DENND2A: variants seen among roughly 807,000 people sequenced by gnomAD.
DENND2A encodes the protein DENN domain containing 2A.
Under a neutral mutation model 105.3 loss-of-function variants are expected in DENND2A, and 53 were observed. That is an observed-to-expected ratio of 0.50 (90% CI 0.40 to 0.63). DENND2A has a LOEUF of 0.63. Ranked by LOEUF, DENND2A falls within the 30% of genes least tolerant of loss-of-function variation. DENND2A has a pLI of 0.00. For synonymous variants in DENND2A, 522 were observed against 508.4 expected (o/e 1.03, Z -0.36); for missense variants, 1,138 against 1,279.6 (o/e 0.89, Z 1.69).
chr7:140,607,238 C>T lies in DENND2A; in HGVS notation c.-247-1432G>A, dbSNP rs540023842. ...CCTGGCCTGGGCATCCTCTCCCTCC[C>T]GAGTAATCAAAGGGCAGAACTTCAA... On this transcript the variant is annotated intron_variant, in intron 1 of 19. Coordinates refer to ENST00000496613, the MANE Select transcript of DENND2A (RefSeq NM_015689.5). 2.6e-5 allele frequency among the ~76,000 whole-genome samples: 4 copies of T among 152,242 alleles called. No individual in the cohort carries two copies. The South Asian group carries it at 8.3e-4, about 32-fold the overall frequency.
chr7:140,567,679 C>T (rs987729236), intron 8 of DENND2A, among the ~76,000 whole-genome samples: 11 of 152,098 alleles, frequency 7.2e-5, no homozygotes, highest in Non-Finnish European at 1.2e-4. Context: ...CCATTTCCCT[C>T]GTCTTTTGGT....
intron 6 of DENND2A, 42 bp downstream of exon 6, chr7:140,573,766 G>T: frequency 6.3e-7 from 1 of 1,593,788 alleles, no homozygotes; most frequent in South Asian, 1.1e-5. Flanking sequence ...CACAGAGAAG[G>T]GGTCATGCAT....
chr7:140,546,804 T>C lies in DENND2A; in HGVS notation c.2173A>G (p.Thr725Ala). 6.2e-7 allele frequency: 1 copy of C among 1,614,042 alleles called. No homozygotes were observed. The highest frequency in any genetic ancestry group is 8.5e-7 in the Non-Finnish European group (1 of 1,179,966). The change falls in exon 13 of 20, where the codon ACT becomes GCT. Residue 725 changes from threonine to alanine, a missense_variant. This residue lies in a region of DENND2A where 627 missense variants were observed against 779.8 expected (regional missense o/e 0.80). Coordinates refer to ENST00000496613, the MANE Select transcript of DENND2A (RefSeq NM_015689.5). ...GAAGGAGTCTGACAACTCACCTCAG[T>C]TCCTGAACCTGGCAGGAAGTTCTTG... ...LVKNFLPGSG[T>A]EVIELCRPLD...
intron 5 of DENND2A, among the ~76,000 whole-genome samples, chr7:140,577,404 T>TC (rs199657138): frequency 2.0e-5 from 3 of 151,190 alleles, no homozygotes; most frequent in African/African-American, 4.9e-5. Context: ...TTTTTCTTTT[T>TC]TTTTTTTTTT....
intron 9 of DENND2A, among the ~76,000 whole-genome samples, chr7:140,565,132 G>T (rs1057461604): frequency 3.9e-5 from 6 of 152,184 alleles, no homozygotes; most frequent in African/African-American, 1.4e-4. Context: ...ATGGAAGGAA[G>T]GCTGGCCTAC....
chr7:140,531,833 A>ACAC, intron 14 of DENND2A, among the ~76,000 whole-genome samples: 1 of 146,264 alleles, frequency 6.8e-6, no homozygotes, highest in Middle Eastern at 3.4e-3. Context: ...AACAACAACA[A>ACAC]CAACAACAAC....
chr7:140,550,115 TTAGGGGAGGGGA>T, intron 12 of DENND2A, among the ~76,000 whole-genome samples: 1 of 86,298 alleles, frequency 1.2e-5, no homozygotes, highest in Non-Finnish European at 2.3e-5. Context: ...TGGTGAGGGG[TTAGGGGAGGGGA>T]TAGGGGTGGG....
chr7:140,565,620 T>C (rs568204986), intron 9 of DENND2A, among the ~76,000 whole-genome samples: 3 of 152,230 alleles, frequency 2.0e-5, no homozygotes, highest in Admixed American at 6.5e-5. Context: ...ATTTAACATA[T>C]GGTAAAGCTG....
chr7:140,527,291 G>C lies in DENND2A; in HGVS notation c.2505+27C>G, dbSNP rs1395087125. On this transcript the variant is annotated intron_variant, in intron 15 of 19. Coordinates refer to ENST00000496613, the MANE Select transcript of DENND2A (RefSeq NM_015689.5). This position sits in a 1 kb window ranked among gnomAD's most constrained non-coding sequence, Gnocchi z 4.9. ...CTCTGTTCTCCGCACCCTGCAGGGA[G>C]GGGGACAGGGCTGAGTGGGAGCTCA... The C allele has an allele frequency of 1.3e-6, 2 of 1,548,610 alleles. No individual in the cohort carries two copies. Among genetic ancestry groups the C allele is most frequent in the East Asian group, 2.4e-5 (1 of 41,920 alleles).
At chr7:140,588,766 C>CTT (rs34456581) in intron 3 of DENND2A, among the ~76,000 whole-genome samples, 1,722 of 136,824 alleles carry the variant, frequency 0.013, 61 homozygotes, top group African/African-American at 0.04. Context: ...TTTTTTGGCA[C>CTT]TTTTTTTTTT....
At chr7:140,522,231 A>G (rs1289916725) in intron 17 of DENND2A, 131 bp from the exon 18 acceptor site, 1 of 1,204,582 alleles carries the variant, frequency 8.3e-7, no homozygotes, top group Non-Finnish European at 1.1e-6. Context: ...ATTATCCAGG[A>G]GGAGGGTTAC....
At chr7:140,635,007 A>T (rs1018360366) in intron 1 of DENND2A, among the ~76,000 whole-genome samples, 1 of 152,070 alleles carries the variant, frequency 6.6e-6, no homozygotes, top group African/African-American at 2.4e-5. Context: ...TCATGCCTGT[A>T]GTCCCAGCAC....
At chr7:140,536,757 G>T (rs1336156348) in intron 14 of DENND2A, among the ~76,000 whole-genome samples, 1 of 152,100 alleles carries the variant, frequency 6.6e-6, no homozygotes, top group Non-Finnish European at 1.5e-5. Context: ...CTCCCTCCTG[G>T]GTTCAAGTGA....
chr7:140,629,748 G>A (rs962512978), intron 1 of DENND2A, among the ~76,000 whole-genome samples: 1 of 152,162 alleles, frequency 6.6e-6, no homozygotes, highest in Non-Finnish European at 1.5e-5. Context: ...GATGAACTGA[G>A]GGAGACAGTG....
intron 1 of DENND2A, among the ~76,000 whole-genome samples, chr7:140,610,619 A>G (rs1799861281): frequency 6.6e-6 from 1 of 152,228 alleles, no homozygotes; most frequent in Non-Finnish European, 1.5e-5. Flanking sequence ...TTAGAATTCT[A>G]AAATGTCAAG....
chr7:140,633,124 G>A (rs975127591), intron 1 of DENND2A, among the ~76,000 whole-genome samples: 4 of 151,406 alleles, frequency 2.6e-5, no homozygotes, highest in African/African-American at 4.9e-5. Flanking sequence ...CGCCTCCCGC[G>A]TTCACACCAT....
intron 17 of DENND2A, among the ~76,000 whole-genome samples, chr7:140,522,464 C>A (rs1192412497): frequency 6.6e-6 from 1 of 152,100 alleles, no homozygotes; most frequent in East Asian, 1.9e-4. Flanking sequence ...TGGGCATGCG[C>A]CACCACGCCC....
rs112055167 is a variant in DENND2A at position 140,620,711 on chromosome 7, G to A, written c.-247-14905C>T. ...CCAGCTCAGGTGAGTTCATCACTCC[G>A]CACCGGTTTTGCTTTGCCATCATAT... On this transcript the variant is annotated intron_variant, in intron 1 of 19. Transcript: ENST00000496613. Among the ~76,000 whole-genome samples, 17 of 152,230 alleles carry A rather than the reference G, an allele frequency of 1.1e-4. No homozygotes were observed. The East Asian group carries it at 1.2e-3, about 10-fold the overall frequency.
At position 140,559,614 on chromosome 7, in the gene DENND2A, G is replaced by T. The variant is rs768331575; in HGVS notation, c.1889+94C>A. ...GCCAGGCCCATCAGGATTACTTAAC[G>T]GTGGGAATGACTCATGTGGTCTGCC... is the stretch of plus-strand genomic sequence containing the variant. On this transcript the variant is annotated intron_variant, in intron 10 of 19. Transcript: ENST00000496613. This position sits in a 1 kb window ranked among gnomAD's most constrained non-coding sequence, Gnocchi z 4.1. 6.9e-6 allele frequency: 6 copies of T among 874,448 alleles called. No homozygotes were observed. In the South Asian group the frequency reaches 9.0e-5, roughly 13 times the overall value. 54.2% of individuals were successfully genotyped at this position (874,448 alleles called of 1,614,324 possible).
Sources: allele counts gnomAD v4.1 joint callset (sites outside exome capture counted in the v4.1 genomes callset), GRCh38; gene constraint gnomAD v4.1.1; regional missense constraint gnomAD v4.1.1; non-coding constraint Gnocchi (gnomAD v3.1); transcripts MANE v1.5; gene names NCBI Gene and HGNC (gene_info 2026-07-23, HGNC 2026-07-21).